Variants in SYT10 observed in about 807,000 individuals in gnomAD.
SYT10 encodes synaptotagmin-10.
A neutral mutation model predicts 51.1 loss-of-function variants in SYT10; 31 were observed. The observed-to-expected ratio is 0.61, with a 90% CI of 0.46 to 0.82. The LOEUF (loss-of-function observed/expected upper bound fraction) is 0.82. Among genes scored for constraint, SYT10 ranks in the 40% least tolerant of loss-of-function variants. SYT10 has a pLI of 0.00. For missense variants in SYT10, 603 were observed against 634.0 expected (o/e 0.95, Z 0.53); for synonymous variants, 233 against 225.9 (o/e 1.03, Z -0.28).
chr12:33,377,994 C>G (rs1866078953), intron 6 of SYT10, among the ~76,000 whole-genome samples: 1 of 152,158 alleles, frequency 6.6e-6, no homozygotes, highest in African/African-American at 2.4e-5. Flanking sequence ...TCTCAAATAA[C>G]TGTTCCCTTC....
intron 3 of SYT10, among the ~76,000 whole-genome samples, chr12:33,398,267 A>C (rs1241459572): frequency 6.6e-6 from 1 of 152,152 alleles, no homozygotes; most frequent in Non-Finnish European, 1.5e-5. Context: ...TAATCCCAGC[A>C]CTTTGGGAGG....
At chr12:33,425,542 C>A (rs1037221383) in intron 2 of SYT10, among the ~76,000 whole-genome samples, 1 of 152,070 alleles carries the variant, frequency 6.6e-6, no homozygotes, top group African/African-American at 2.4e-5. Context: ...CCTCCATATG[C>A]CCATGATATT....
intron 3 of SYT10, among the ~76,000 whole-genome samples, chr12:33,403,245 T>A (rs1341106508): frequency 6.6e-6 from 1 of 151,204 alleles, no homozygotes; most frequent in East Asian, 1.9e-4. Context: ...TTTTTTTTTT[T>A]TTTTTGAGAC....
At chr12:33,404,903 T>G (rs1168259790) in intron 3 of SYT10, 1 of 151,464 alleles carries the variant, frequency 6.6e-6, no homozygotes, top group Non-Finnish European at 1.5e-5. Context: ...TTTAAGTAAT[T>G]TATTAATATT....
At chr12:33,416,417 C>G (rs1866454339) in intron 2 of SYT10, among the ~76,000 whole-genome samples, 1 of 152,110 alleles carries the variant, frequency 6.6e-6, no homozygotes, top group Non-Finnish European at 1.5e-5. Flanking sequence ...ACACCCATCT[C>G]TGAAGCTCAA....
At chr12:33,435,013 T>C (rs1261118537) in intron 1 of SYT10, among the ~76,000 whole-genome samples, 2 of 152,302 alleles carry the variant, frequency 1.3e-5, no homozygotes, top group East Asian at 3.9e-4. Context: ...TTCATTGGCA[T>C]TGGAAATTAC....
intron 3 of SYT10, among the ~76,000 whole-genome samples, chr12:33,390,129 T>C (rs940277395): frequency 6.6e-6 from 1 of 152,226 alleles, no homozygotes; most frequent in African/African-American, 2.4e-5. Context: ...GGTCAAGCCC[T>C]TTCAGGCTTT....
In SYT10 at chr12:33,385,193, C is replaced by A. The variant is rs369118657; in HGVS notation, c.1176G>T (p.Ala392=). The A allele has an allele frequency of 3.7e-6, 6 of 1,613,646 alleles. No individual in the cohort carries two copies. The highest frequency in any genetic ancestry group is 2.2e-5 in the East Asian group (1 of 44,854). ...LTVIKCRNLK[A]MDITGSSDPY... is the part of the protein sequence containing the mutation. ...TACCTGATGAGCCAGTAATATCCATCGCCTTCAGATTTCTGCACTTAATGA... is the reference window on the plus strand; with the variant it reads ...TACCTGATGAGCCAGTAATATCCATAGCCTTCAGATTTCTGCACTTAATGA... Residue 392 remains alanine (A), a synonymous_variant, in exon 4 of 7, where the codon GCG becomes GCT. Transcript: ENST00000228567.
At chr12:33,403,247 T>A (rs2138410762) in intron 3 of SYT10, among the ~76,000 whole-genome samples, 1 of 151,440 alleles carries the variant, frequency 6.6e-6, no homozygotes, top group Non-Finnish European at 1.5e-5. Context: ...TTTTTTTTTT[T>A]TTTGAGACAG....
intron 1 of SYT10, among the ~76,000 whole-genome samples, chr12:33,434,134 T>C (rs1866618858): frequency 6.6e-6 from 1 of 152,190 alleles, no homozygotes; most frequent in South Asian, 2.1e-4. Flanking sequence ...TGAACAGAGA[T>C]TCTAGAACTT....
chr12:33,382,493 C>T lies in SYT10; in HGVS notation c.1226G>A (p.Cys409Tyr), dbSNP rs1442557576. 6.2e-7 allele frequency: 1 copy of T among 1,612,202 alleles called. No homozygotes were observed. The highest frequency in any genetic ancestry group is 2.2e-5 in the East Asian group (1 of 44,806). Residue 409 changes from cysteine to tyrosine, a missense_variant, in exon 5 of 7, where the codon TGT becomes TAT. Transcript: ENST00000228567. ...CCTCTTTTTTAATCTTCGACCTTCA[C>T]ACATCAGGGACACTTTGACATAAGG... ...SDPYVKVSLM[C>Y]EGRRLKKRKT...
At chr12:33,405,352 A>G (rs1866343693) in intron 3 of SYT10, 1 of 152,150 alleles carries the variant, frequency 6.6e-6, no homozygotes. Flanking sequence ...AGGTAATAAA[A>G]TGAACACAAA....
chr12:33,410,123 C>A (rs1666685008), intron 2 of SYT10, among the ~76,000 whole-genome samples: 1 of 152,164 alleles, frequency 6.6e-6, no homozygotes, highest in African/African-American at 2.4e-5. Flanking sequence ...TCACTTGAGG[C>A]AGGAAACATT....
chr12:33,431,085 C>G (rs1384090266), intron 1 of SYT10, among the ~76,000 whole-genome samples: 8 of 152,152 alleles, frequency 5.3e-5, no homozygotes, highest in Non-Finnish European at 1.2e-4. Context: ...ATTCAAAGGT[C>G]TTTGCTTCTC....
intron 3 of SYT10, among the ~76,000 whole-genome samples, chr12:33,403,465 C>G (rs1283258366): frequency 6.6e-6 from 1 of 152,034 alleles, no homozygotes; most frequent in African/African-American, 2.4e-5. Context: ...AAAATCCTGA[C>G]CTCAGGTGAT....
intron 3 of SYT10, among the ~76,000 whole-genome samples, chr12:33,392,442 C>G (rs1046554649): frequency 9.9e-5 from 15 of 152,138 alleles, no homozygotes; most frequent in Non-Finnish European, 1.6e-4. Flanking sequence ...CACAACACGC[C>G]CTCCCTGCCT....
At chr12:33,411,602 A>G (rs1479969487) in intron 2 of SYT10, among the ~76,000 whole-genome samples, 2 of 152,322 alleles carry the variant, frequency 1.3e-5, no homozygotes, top group Middle Eastern at 3.4e-3. Flanking sequence ...GTTACTATAT[A>G]GAGAAACATA....
chr12:33,404,399 A>AT (rs796908596), intron 3 of SYT10, among the ~76,000 whole-genome samples: 24 of 150,816 alleles, frequency 1.6e-4, no homozygotes, highest in South Asian at 6.3e-4. Context: ...TTTTATTTTT[A>AT]TTTTTTTTTG....
intron 2 of SYT10, 138 bp from the exon 3 acceptor site, chr12:33,407,494 T>C: frequency 1.3e-6 from 1 of 797,016 alleles, no homozygotes; most frequent in Non-Finnish European, 1.8e-6. Flanking sequence ...CACATACATA[T>C]AATCAAAGAG....
Sources: allele counts gnomAD v4.1 joint callset (sites outside exome capture counted in the v4.1 genomes callset), GRCh38; gene constraint gnomAD v4.1.1; transcripts MANE v1.5; gene names NCBI Gene and HGNC (gene_info 2026-07-23, HGNC 2026-07-21).